SKAP2: variants seen among roughly 807,000 people sequenced by gnomAD.
SKAP2 encodes src kinase associated phosphoprotein 2, also known as src kinase-associated phosphoprotein 2.
Under a neutral mutation model 54.9 loss-of-function variants are expected in SKAP2, and 28 were observed. The ratio of observed to expected loss-of-function variants is 0.51; its 90% CI spans 0.38 to 0.70. SKAP2 has a LOEUF of 0.70. Ranked by LOEUF, SKAP2 falls within the 30% of genes least tolerant of loss-of-function variation. SKAP2 has a pLI of 0.00. For missense variants in SKAP2, 356 were observed against 424.1 expected (o/e 0.84, Z 1.41); for synonymous variants, 137 against 134.3 (o/e 1.02, Z -0.14).
At chr7:26,861,384 G>GA (rs1037848610) in intron 1 of SKAP2, among the ~76,000 whole-genome samples, 5 of 152,050 alleles carry the variant, frequency 3.3e-5, no homozygotes, top group Admixed American at 2.0e-4. Flanking sequence ...TTGTAGAAAA[G>GA]AAAAAAATCA....
chr7:26,728,709 T>G (rs559498191), intron 6 of SKAP2, among the ~76,000 whole-genome samples: 126 of 152,150 alleles, frequency 8.3e-4, no homozygotes, highest in African/African-American at 2.7e-3. Flanking sequence ...TCTACTAAAT[T>G]GCAAAAGGAA....
At chr7:26,785,417 A>T (rs574434949) in intron 4 of SKAP2, among the ~76,000 whole-genome samples, 5 of 152,158 alleles carry the variant, frequency 3.3e-5, no homozygotes, top group African/African-American at 1.2e-4. Flanking sequence ...CGATCTCCTG[A>T]CCTCGTGATC....
In SKAP2 at chr7:26,789,442, T is replaced by C. The variant is rs113811154; in HGVS notation, c.308-49478A>G. Among the ~76,000 whole-genome samples, 6 of 152,346 alleles carry C rather than the reference T, an allele frequency of 3.9e-5. 1 individual carries two copies. Among genetic ancestry groups the C allele is most frequent in the African/African-American group, 1.4e-4 (6 of 41,576 alleles). On this transcript the variant is annotated intron_variant, in intron 4 of 12. Transcript: ENST00000345317. The stretch of plus-strand genomic sequence containing the variant: ...TGTTTTAAACAGGATCTGCTTTAAG[T>C]TGACGTACAATGCATTAAGCATCAC...
intron 4 of SKAP2, among the ~76,000 whole-genome samples, chr7:26,799,034 GAA>G (rs1783846245): frequency 9.0e-6 from 1 of 111,590 alleles, no homozygotes; most frequent in Non-Finnish European, 1.8e-5. Context: ...AAGGGGAGGG[GAA>G]AAGAGGAGGG....
intron 4 of SKAP2, among the ~76,000 whole-genome samples, chr7:26,811,700 T>C (rs979692118): frequency 1.3e-5 from 2 of 152,200 alleles, no homozygotes; most frequent in African/African-American, 2.4e-5. Context: ...CTGTCTTTTG[T>C]TATGTATCCC....
intron 9 of SKAP2, among the ~76,000 whole-genome samples, chr7:26,696,931 T>C (rs1786906782): frequency 6.6e-6 from 1 of 151,922 alleles, no homozygotes; most frequent in Non-Finnish European, 1.5e-5. Flanking sequence ...AACAAAAAAA[T>C]ACCCATACAC....
chr7:26,700,957 T>C (rs1462843290), intron 9 of SKAP2, among the ~76,000 whole-genome samples: 1 of 152,312 alleles, frequency 6.6e-6, no homozygotes, highest in East Asian at 1.9e-4. Context: ...GTCCTACTTA[T>C]CTTTAAAGCA....
intron 4 of SKAP2, among the ~76,000 whole-genome samples, chr7:26,804,580 A>C (rs1783986090): frequency 6.6e-6 from 1 of 152,032 alleles, no homozygotes; most frequent in African/African-American, 2.4e-5. Context: ...CTCTATTAAA[A>C]TTACAAAAAT....
At chr7:26,697,600 C>A (rs889084737) in intron 9 of SKAP2, among the ~76,000 whole-genome samples, 1 of 152,068 alleles carries the variant, frequency 6.6e-6, no homozygotes, top group Non-Finnish European at 1.5e-5. Context: ...TTTTCACTTA[C>A]AGTAACCTCT....
chr7:26,816,343 G>GA (rs1417402233), intron 4 of SKAP2, among the ~76,000 whole-genome samples: 1 of 152,020 alleles, frequency 6.6e-6, no homozygotes, highest in East Asian at 1.9e-4. Context: ...CTTATGCTGA[G>GA]AAAAAATTTT....
intron 4 of SKAP2, among the ~76,000 whole-genome samples, chr7:26,815,124 G>C (rs1049457956): frequency 6.6e-6 from 1 of 151,250 alleles, no homozygotes; most frequent in Non-Finnish European, 1.5e-5. Flanking sequence ...TTTTTAAGGG[G>C]ATAAAGTATT....
chr7:26,830,452 T>C (rs1784574652), intron 4 of SKAP2, among the ~76,000 whole-genome samples: 1 of 152,154 alleles, frequency 6.6e-6, no homozygotes, highest in African/African-American at 2.4e-5. Context: ...TTAAGAATCC[T>C]AGACCCTACC....
At chr7:26,655,236 T>C in the SKAP2 span, among the ~76,000 whole-genome samples, 3 of 152,220 alleles carry the variant, frequency 2.0e-5, no homozygotes, top group Non-Finnish European at 4.4e-5. Flanking sequence ...TTCTGTATGA[T>C]AAATCATGTT....
In SKAP2 at chr7:26,836,387, A is replaced by G. The variant is rs550555100; in HGVS notation, c.307+7643T>C. On this transcript the variant is annotated intron_variant, in intron 4 of 12. Transcript: ENST00000345317. ...GAGCTTCTGCACAGCAAAAGAAACT[A>G]TCATCAGAGTGAACAGGCAACCTAC... Among the ~76,000 whole-genome samples, 575 of 152,344 alleles carry G rather than the reference A, an allele frequency of 3.8e-3. 3 individuals are homozygous for G. Among genetic ancestry groups the G allele is most frequent in the Non-Finnish European group, 6.8e-3 (464 of 68,030 alleles).
intron 9 of SKAP2, among the ~76,000 whole-genome samples, chr7:26,691,846 T>A (rs1786790368): frequency 6.6e-6 from 1 of 152,200 alleles, no homozygotes; most frequent in African/African-American, 2.4e-5. Flanking sequence ...GACTAAAGAA[T>A]CTGGTACACA....
intron 4 of SKAP2, among the ~76,000 whole-genome samples, chr7:26,801,450 G>A (rs1044558544): frequency 5.3e-5 from 8 of 152,088 alleles, no homozygotes; most frequent in Admixed American, 2.0e-4. Context: ...TCTGGAACAC[G>A]ACAAAGATGC....
intron 4 of SKAP2, among the ~76,000 whole-genome samples, chr7:26,788,721 C>T (rs1442406893): frequency 6.6e-6 from 1 of 152,088 alleles, no homozygotes; most frequent in Non-Finnish European, 1.5e-5. Flanking sequence ...AACTGAAATT[C>T]TATTCATGTA....
chr7:26,710,549 T>A (rs113025335), intron 9 of SKAP2, among the ~76,000 whole-genome samples: 3 of 152,248 alleles, frequency 2.0e-5, no homozygotes, highest in African/African-American at 7.2e-5. Context: ...AATGTGAGGT[T>A]GGAAATGTAT....
At chr7:26,659,313 A>C in the SKAP2 span, among the ~76,000 whole-genome samples, 1 of 152,164 alleles carries the variant, frequency 6.6e-6, no homozygotes, top group South Asian at 2.1e-4. Context: ...TGTCCATCTC[A>C]CTGTGAAAGG....
Sources: allele counts gnomAD v4.1 joint callset (sites outside exome capture counted in the v4.1 genomes callset), GRCh38; gene constraint gnomAD v4.1.1; transcripts MANE v1.5; gene names NCBI Gene and HGNC (gene_info 2026-07-23, HGNC 2026-07-21).